The following CAND1 variants were observed in gnomAD, a reference collection of about 807,000 sequenced individuals.
The protein encoded by CAND1 is cullin-associated NEDD8-dissociated protein 1.
Under a neutral mutation model 108.5 loss-of-function variants are expected in CAND1, and 7 were observed. The observed-to-expected ratio is 0.06, with a 90% CI of 0.04 to 0.12. CAND1 has a LOEUF of 0.12. CAND1 is among the 10% of genes least tolerant of loss of function. The pLI is 1.00. For synonymous variants in CAND1, 534 were observed against 512.0 expected, an observed-to-expected ratio of 1.04 and a Z score of -0.58; for missense variants, 941 against 1,448.7, an observed-to-expected ratio of 0.65 and a Z score of 5.69.
intron 2 of CAND1, among the ~76,000 whole-genome samples, chr12:67,290,772 T>G (rs2044715235): frequency 6.6e-6 from 1 of 152,138 alleles, no homozygotes; most frequent in Non-Finnish European, 1.5e-5. Context: ...CCTTAAACCC[T>G]GGGCCATGGA....
Position 67,283,814 on chromosome 12 carries a change from A to G in CAND1, c.212+1761A>G, listed in dbSNP as rs552804573. 2.0e-5 allele frequency among the ~76,000 whole-genome samples: 3 copies of G among 152,280 alleles called. No individual in the cohort carries two copies. In the East Asian group the frequency reaches 5.8e-4, roughly 29 times the overall value. On this transcript the variant is annotated intron_variant, in intron 2 of 14. Coordinates refer to ENST00000545606, the MANE Select transcript of CAND1 (RefSeq NM_018448.5). Reference sequence around the variant, plus strand: ...GTACTTCTTAGTCACTTTAGTATGTATCTTTACTCATTAGGAACCTGAGTT... The same window carrying G: ...GTACTTCTTAGTCACTTTAGTATGTGTCTTTACTCATTAGGAACCTGAGTT...
chr12:67,300,775 G>GTACTT (rs2044817459), intron 7 of CAND1, among the ~76,000 whole-genome samples: 1 of 152,090 alleles, frequency 6.6e-6, no homozygotes, highest in South Asian at 2.1e-4. Context: ...TTGACACACA[G>GTACTT]GCAATCAATA....
At chr12:67,307,957 A>AG (rs545125795) in intron 11 of CAND1, among the ~76,000 whole-genome samples, 4 of 152,068 alleles carry the variant, frequency 2.6e-5, no homozygotes, top group Middle Eastern at 3.4e-3. Context: ...TAAAAAATAA[A>AG]GGGGGGGAGA....
intron 1 of CAND1, among the ~76,000 whole-genome samples, chr12:67,279,475 G>C (rs1257927713): frequency 6.6e-6 from 1 of 152,124 alleles, no homozygotes; most frequent in Non-Finnish European, 1.5e-5. Context: ...ATTATTCCCA[G>C]AACTTTGTGA....
At chr12:67,284,578 A>C (rs2135997458) in intron 2 of CAND1, among the ~76,000 whole-genome samples, 1 of 152,280 alleles carries the variant, frequency 6.6e-6, no homozygotes, top group Non-Finnish European at 1.5e-5. Context: ...ATCATACTTG[A>C]TTTGTCATTA....
intron 10 of CAND1, among the ~76,000 whole-genome samples, 195 bp from the exon 11 acceptor site, chr12:67,307,202 G>A (rs1035912601): frequency 2.6e-5 from 4 of 152,042 alleles, no homozygotes; most frequent in African/African-American, 9.7e-5. Context: ...GAAATCTAAT[G>A]GGATTATATT....
intron 2 of CAND1, among the ~76,000 whole-genome samples, chr12:67,289,595 C>A (rs905332149): frequency 1.3e-5 from 2 of 152,186 alleles, no homozygotes; most frequent in Admixed American, 1.3e-4. Context: ...CCATGTTGCC[C>A]AGGCTGGGCA....
At chr12:67,276,748 A>G (rs538525480) in intron 1 of CAND1, among the ~76,000 whole-genome samples, 1 of 152,328 alleles carries the variant, frequency 6.6e-6, no homozygotes, top group African/African-American at 2.4e-5. Flanking sequence ...TAAGCATCAG[A>G]TCGGTTAGTA....
chr12:67,280,714 G>A (rs1186848737), intron 1 of CAND1, among the ~76,000 whole-genome samples: 1 of 152,180 alleles, frequency 6.6e-6, no homozygotes, highest in African/African-American at 2.4e-5. Flanking sequence ...AAGGCATGTG[G>A]AGAAGAAAAT....
In CAND1 at chr12:67,313,261, A is replaced by G. The variant is rs994956459; in HGVS notation, c.*431A>G. Reference sequence around the variant, plus strand: ...AAACCATGTTTCTTTTTCTTGTATAACTTTTTGTTTTCAGCAACATAAATT... The same window carrying G: ...AAACCATGTTTCTTTTTCTTGTATAGCTTTTTGTTTTCAGCAACATAAATT... On this transcript the variant is annotated 3_prime_UTR_variant, in exon 15 of 15. Transcript: ENST00000545606. 1 of 153,008 alleles carries G rather than the reference A, an allele frequency of 6.5e-6. No individual in the cohort carries two copies. Among genetic ancestry groups the G allele is most frequent in the Admixed American group, 6.5e-5 (1 of 15,312 alleles). 9.5% of individuals were successfully genotyped at this position (153,008 alleles called of 1,614,324 possible).
chr12:67,315,209 C>T lies in CAND1; in HGVS notation c.*2379C>T, dbSNP rs1372227404. The T allele has an allele frequency of 6.6e-6, 1 of 152,382 alleles. No individual in the cohort carries two copies. Among genetic ancestry groups the T allele is most frequent in the Admixed American group, 6.5e-5 (1 of 15,286 alleles). The allele number at this position is 152,382 out of a possible 1,614,324, so 9.4% of individuals were successfully genotyped here. ...GTGGCTTACGCCTGTAATCCCAGCA[C>T]TTTGGGAGGCCGAGGCGGGCGGATC... On this transcript the variant is annotated 3_prime_UTR_variant, in exon 15 of 15. Coordinates refer to ENST00000545606, the MANE Select transcript of CAND1 (RefSeq NM_018448.5).
chr12:67,275,543 C>A (rs951520116), intron 1 of CAND1, among the ~76,000 whole-genome samples: 1 of 151,298 alleles, frequency 6.6e-6, no homozygotes, highest in Non-Finnish European at 1.5e-5. Flanking sequence ...AAAAAAAAAA[C>A]TGTTCCAACT....
intron 14 of CAND1, 40 bp from the exon 15 acceptor site, chr12:67,312,562 GCTGT>G (rs2044963171): frequency 8.9e-6 from 12 of 1,349,726 alleles, no homozygotes; most frequent in Non-Finnish European, 1.2e-5. Context: ...TCATGTAAGA[GCTGT>G]CTTTTATAGC....
rs1396680849 is a variant in CAND1, at chr12:67,315,780, A to T, written c.*2950A>T. 5 of 152,142 alleles carry T rather than the reference A, an allele frequency of 3.3e-5. No individual in the cohort carries two copies. The highest frequency in any genetic ancestry group is 7.4e-5 in the Non-Finnish European group (5 of 68,014). 9.4% of individuals were successfully genotyped at this position (152,142 alleles called of 1,614,324 possible). A position where few individuals can be genotyped will look rare whatever the true frequency, so the allele number is the denominator to read the frequency against. ...TTAACCAGTTCTAGTGGGTGTTGTG[A>T]TATCTTTATATCTAGTTCAGTCTCA... On this transcript the variant is annotated 3_prime_UTR_variant, in exon 15 of 15. Coordinates refer to ENST00000545606, the MANE Select transcript of CAND1 (RefSeq NM_018448.5).
At chr12:67,280,442 AT>A (rs755391962) in intron 1 of CAND1, among the ~76,000 whole-genome samples, 3 of 152,222 alleles carry the variant, frequency 2.0e-5, no homozygotes, top group Non-Finnish European at 4.4e-5. Context: ...TTCAGCTCCA[AT>A]AGTTGTTTTT....
intron 10 of CAND1, among the ~76,000 whole-genome samples, chr12:67,306,878 G>A (rs1370281243): frequency 6.6e-6 from 1 of 152,116 alleles, no homozygotes; most frequent in Non-Finnish European, 1.5e-5. Context: ...TGGAAAAGAT[G>A]TATCTAATGA....
intron 1 of CAND1, among the ~76,000 whole-genome samples, chr12:67,272,127 G>C: frequency 6.6e-6 from 1 of 152,202 alleles, no homozygotes; most frequent in East Asian, 1.9e-4. Flanking sequence ...AGGATCTTGA[G>C]GGCAAGGTTA....
At chr12:67,301,673 G>A (rs1409839792) in intron 7 of CAND1, among the ~76,000 whole-genome samples, 1 of 152,094 alleles carries the variant, frequency 6.6e-6, no homozygotes, top group Non-Finnish European at 1.5e-5. Context: ...GTATAATTAA[G>A]CAAAAATGGT....
chr12:67,308,828 T>A (rs1224297793), intron 11 of CAND1, among the ~76,000 whole-genome samples: 2 of 152,032 alleles, frequency 1.3e-5, no homozygotes, highest in Admixed American at 6.6e-5. Context: ...CTTTTTTTTT[T>A]AAATCAGTGC....
Sources: gnomAD v4.1 joint callset for allele counts (sites outside exome capture counted in the v4.1 genomes callset) on GRCh38, gnomAD v4.1.1 for gene constraint, MANE v1.5 for transcripts, NCBI Gene and HGNC (gene_info 2026-07-23, HGNC 2026-07-21) for gene names.